Variants in ADGRL2 observed in about 807,000 individuals in gnomAD.
ADGRL2 encodes the protein calcium-independent alpha-latrotoxin receptor 2.
In ADGRL2, 44 loss-of-function variants were observed where a neutral mutation model predicts 157.4. The ratio of observed to expected loss-of-function variants is 0.28; its 90% CI spans 0.22 to 0.36. ADGRL2 has a LOEUF of 0.36. Among genes scored for constraint, ADGRL2 ranks in the 10% least tolerant of loss-of-function variants. ADGRL2 has a pLI of 1.00. For synonymous variants in ADGRL2, 585 were observed against 624.7 expected, an observed-to-expected ratio of 0.94 and a Z score of 0.95; for missense variants, 1,510 against 1,768.9, an observed-to-expected ratio of 0.85 and a Z score of 2.63.
At chr1:81,788,258 C>G (rs2087153236) in intron 2 of ADGRL2, among the ~76,000 whole-genome samples, 1 of 152,076 alleles carries the variant, frequency 6.6e-6, no homozygotes, top group Non-Finnish European at 1.5e-5. Flanking sequence ...AAATGTAGTC[C>G]CCAGCATTAG....
intron 2 of ADGRL2, among the ~76,000 whole-genome samples, chr1:81,504,443 G>A (rs2078924134): frequency 6.6e-6 from 1 of 152,084 alleles, no homozygotes; most frequent in African/African-American, 2.4e-5. Flanking sequence ...GAGTCTTCAG[G>A]AAGTATTTGC....
intron 2 of ADGRL2, among the ~76,000 whole-genome samples, chr1:81,497,848 A>G (rs959568684): frequency 2.0e-5 from 3 of 152,192 alleles, no homozygotes; most frequent in Admixed American, 6.5e-5. Flanking sequence ...AAAAGATGTG[A>G]ACTGTTTAAA....
chr1:81,331,051 T>A (rs1243942464), intron 1 of ADGRL2, among the ~76,000 whole-genome samples: 1 of 152,176 alleles, frequency 6.6e-6, no homozygotes, highest in Non-Finnish European at 1.5e-5. Context: ...GCACAGTGCC[T>A]GGTAAATTGA....
intron 1 of ADGRL2, among the ~76,000 whole-genome samples, chr1:81,430,334 C>T (rs2077297482): frequency 6.6e-6 from 1 of 152,132 alleles, no homozygotes; most frequent in African/African-American, 2.4e-5. Context: ...GGTTTGTCCA[C>T]ATGGGGTCTG....
chr1:81,712,923 A>C (rs2149086530), intron 1 of ADGRL2, among the ~76,000 whole-genome samples: 1 of 151,794 alleles, frequency 6.6e-6, no homozygotes, highest in South Asian at 2.1e-4. Context: ...CACCACGCCC[A>C]GCTAATTTTT....
chr1:81,792,354 A>C (rs2087390841), intron 2 of ADGRL2, among the ~76,000 whole-genome samples: 1 of 152,218 alleles, frequency 6.6e-6, no homozygotes, highest in African/African-American at 2.4e-5. Flanking sequence ...CAGCAACACC[A>C]AGTCACACTG....
intron 1 of ADGRL2, among the ~76,000 whole-genome samples, chr1:81,806,490 ATTAAAT>A (rs2149569917): frequency 6.6e-6 from 1 of 152,140 alleles, no homozygotes; most frequent in East Asian, 1.9e-4. Context: ...TCTGTGTTTC[ATTAAAT>A]TTAAAATAGC....
intron 23 of ADGRL2, chr1:81,989,920 C>T: frequency 2.0e-6 from 2 of 985,328 alleles, no homozygotes; most frequent in Non-Finnish European, 2.4e-6. Flanking sequence ...TTATGTTGTA[C>T]ATTTGCCTTT....
intron 1 of ADGRL2, among the ~76,000 whole-genome samples, chr1:81,390,692 A>G (rs1216889990): frequency 4.6e-5 from 7 of 152,298 alleles, no homozygotes; most frequent in African/African-American, 1.7e-4. Context: ...CCATATGGCA[A>G]TTTGATCTTC....
At chr1:81,800,364 C>A (rs1048879513), upstream of ADGRL2, 2 of 152,152 alleles carry the variant, frequency 1.3e-5, no homozygotes, top group Non-Finnish European at 2.9e-5. Flanking sequence ...CCTGGAGCGT[C>A]CCCCGCGCGC....
intron 1 of ADGRL2, among the ~76,000 whole-genome samples, chr1:81,732,642 A>G (rs1557604442): frequency 6.6e-6 from 1 of 152,200 alleles, no homozygotes; most frequent in Non-Finnish European, 1.5e-5. Flanking sequence ...GATAACACTT[A>G]GGAGTTTAAG....
chr1:81,644,720 A>G (rs538959269), intron 3 of ADGRL2, among the ~76,000 whole-genome samples: 1 of 152,338 alleles, frequency 6.6e-6, no homozygotes, highest in Admixed American at 6.5e-5. Flanking sequence ...GTGATGATGT[A>G]TCAAGGTAGG....
chr1:81,414,167 TC>T (rs34808196), intron 1 of ADGRL2: 42,814 of 152,060 alleles, frequency 0.28, 6,712 homozygotes, highest in Non-Finnish European at 0.36. Flanking sequence ...CTTTCTTTCT[TC>T]AGTTTCAGGG....
intron 3 of ADGRL2, among the ~76,000 whole-genome samples, chr1:81,670,325 A>G (rs1228729293): frequency 6.6e-6 from 1 of 152,156 alleles, no homozygotes; most frequent in Non-Finnish European, 1.5e-5. Flanking sequence ...CAGGCCACTT[A>G]TGCTGACTTA....
At chr1:81,583,151 C>G (rs1399458117) in intron 3 of ADGRL2, among the ~76,000 whole-genome samples, 1 of 152,074 alleles carries the variant, frequency 6.6e-6, no homozygotes, top group African/African-American at 2.4e-5. Context: ...TATATCCTTT[C>G]CTATTCCAAG....
At chr1:81,429,639 T>C (rs2077283603) in intron 1 of ADGRL2, among the ~76,000 whole-genome samples, 1 of 152,212 alleles carries the variant, frequency 6.6e-6, no homozygotes, top group South Asian at 2.1e-4. Context: ...CTTCAATCTC[T>C]TTCTTAAAAC....
chr1:81,918,560 A>G (rs1295975136), intron 3 of ADGRL2, among the ~76,000 whole-genome samples: 2 of 152,182 alleles, frequency 1.3e-5, no homozygotes, highest in Non-Finnish European at 2.9e-5. Flanking sequence ...TGAGTAAAAT[A>G]TGAAATAGAA....
rs140536508 is a variant in ADGRL2, at chr1:81,895,909, G to A, written c.74-11108G>A. The stretch of plus-strand genomic sequence containing the variant: ...TTAGCATCAGTGACAAAAAAGGAGT[G>A]GAAACCTTTACCTAGCAATGTTGGA... On this transcript the variant is annotated intron_variant, in intron 2 of 23. Coordinates refer to ENST00000686636, the MANE Select transcript of ADGRL2 (RefSeq NM_001366006.2). Among the ~76,000 whole-genome samples, 932 of 152,210 alleles carry A rather than the reference G, an allele frequency of 6.1e-3. 7 individuals carry two copies. The highest frequency in any genetic ancestry group is 0.021 in the African/African-American group (880 of 41,536).
rs1412295003 is a variant in ADGRL2 at position 81,766,376 on chromosome 1, A to G, written c.-101+4524A>G. 2.0e-5 allele frequency among the ~76,000 whole-genome samples: 3 copies of G among 152,146 alleles called. No homozygotes were observed. In the East Asian group the frequency reaches 5.8e-4, roughly 29 times the overall value. On this transcript the variant is annotated intron_variant, in intron 2 of 20. Transcript: ENST00000359929. ...TTGGCTTCTGAAATGATTTATTGCCATTTTATATCTTCAAATATACAAATC... is the reference window on the plus strand; with the variant it reads ...TTGGCTTCTGAAATGATTTATTGCCGTTTTATATCTTCAAATATACAAATC...
Sources: gnomAD v4.1 joint callset for allele counts (sites outside exome capture counted in the v4.1 genomes callset) on GRCh38, gnomAD v4.1.1 for gene constraint, MANE v1.5 for transcripts, NCBI Gene and HGNC (gene_info 2026-07-23, HGNC 2026-07-21) for gene names.